LRP1B: variants seen among roughly 807,000 people sequenced by gnomAD.
LRP1B encodes the protein LDL receptor related protein 1B.
Under a neutral mutation model 556.6 loss-of-function variants are expected in LRP1B, and 217 were observed. The ratio of observed to expected loss-of-function variants is 0.39; its 90% CI spans 0.35 to 0.44. LRP1B has a LOEUF of 0.44. LRP1B is among the 20% of genes least tolerant of loss of function. LRP1B has a pLI of 1.00. For missense variants in LRP1B, 5,053 were observed against 5,620.8 expected (o/e 0.90, Z 3.23); for synonymous variants, 2,047 against 1,865.8 (o/e 1.10, Z -2.50).
chr2:142,041,985 A>G (rs1574624776), intron 1 of LRP1B, among the ~76,000 whole-genome samples: 1 of 151,512 alleles, frequency 6.6e-6, no homozygotes, highest in African/African-American at 2.4e-5. Context: ...ATTTTTTATT[A>G]TGGGTAAAAT....
At chr2:140,628,629 C>T (rs183119657) in intron 41 of LRP1B, among the ~76,000 whole-genome samples, 12 of 151,674 alleles carry the variant, frequency 7.9e-5, no homozygotes, top group South Asian at 6.3e-4. Flanking sequence ...TATCTGGGTT[C>T]GCAATATTAT....
intron 2 of LRP1B, among the ~76,000 whole-genome samples, chr2:141,528,216 G>T (rs1174672292): frequency 6.6e-6 from 1 of 151,722 alleles, no homozygotes; most frequent in Non-Finnish European, 1.5e-5. Flanking sequence ...TGGATCTTGA[G>T]TGACAACCTA....
At chr2:141,754,286 A>G (rs1355506372) in intron 2 of LRP1B, among the ~76,000 whole-genome samples, 1 of 152,094 alleles carries the variant, frequency 6.6e-6, no homozygotes, top group East Asian at 1.9e-4. Flanking sequence ...ATTAGCATGG[A>G]TAATTGAGAG....
intron 5 of LRP1B, among the ~76,000 whole-genome samples, chr2:141,234,039 G>A (rs1454662795): frequency 5.3e-5 from 8 of 152,024 alleles, no homozygotes; most frequent in Non-Finnish European, 2.9e-5. Flanking sequence ...TGCATAAAAC[G>A]TTGAATAATG....
chr2:140,317,752 T>C (rs1684589257), intron 82 of LRP1B, among the ~76,000 whole-genome samples: 4 of 152,246 alleles, frequency 2.6e-5, no homozygotes, highest in East Asian at 1.9e-4. Flanking sequence ...TATGGGGTAC[T>C]CATTTTTACC....
chr2:140,993,853 T>C (rs1697161675), intron 16 of LRP1B, 142 bp downstream of exon 16: 6 of 779,808 alleles, frequency 7.7e-6, no homozygotes, highest in Admixed American at 2.8e-5. Flanking sequence ...GTCTACTCTT[T>C]ATGCAAAAGG....
intron 47 of LRP1B, among the ~76,000 whole-genome samples, chr2:140,529,401 T>G (rs191972564): frequency 1.4e-5 from 2 of 146,494 alleles, no homozygotes; most frequent in Admixed American, 1.4e-4. Context: ...CCAACATCCC[T>G]TACCCAACTC....
intron 2 of LRP1B, among the ~76,000 whole-genome samples, chr2:141,592,285 A>G (rs1035144974): frequency 1.3e-5 from 2 of 152,126 alleles, no homozygotes; most frequent in Non-Finnish European, 2.9e-5. Flanking sequence ...ACAGAAATTT[A>G]TTTCTCACAG....
chr2:141,990,148 T>C (rs1408437972), intron 1 of LRP1B, among the ~76,000 whole-genome samples: 1 of 152,050 alleles, frequency 6.6e-6, no homozygotes, highest in Non-Finnish European at 1.5e-5. Context: ...AAAATACAGA[T>C]AGCATCTGAT....
intron 2 of LRP1B, among the ~76,000 whole-genome samples, chr2:141,793,990 A>G (rs973412754): frequency 6.6e-6 from 1 of 151,984 alleles, no homozygotes; most frequent in Non-Finnish European, 1.5e-5. Flanking sequence ...AAAAGTTAAG[A>G]CAAAATAACA....
chr2:141,402,828 A>C (rs1170775456), intron 3 of LRP1B, among the ~76,000 whole-genome samples: 1 of 152,118 alleles, frequency 6.6e-6, no homozygotes, highest in Non-Finnish European at 1.5e-5. Context: ...CAGAAAATCA[A>C]AATTTTTGGA....
chr2:141,025,272 G>A (rs1341492051), intron 11 of LRP1B, among the ~76,000 whole-genome samples: 2 of 152,040 alleles, frequency 1.3e-5, no homozygotes, highest in African/African-American at 4.8e-5. Flanking sequence ...AAATTGATGA[G>A]TGGATATGAA....
At chr2:140,415,845 A>G (rs1685175104) in intron 66 of LRP1B, among the ~76,000 whole-genome samples, 1 of 152,196 alleles carries the variant, frequency 6.6e-6, no homozygotes, top group Admixed American at 6.5e-5. Context: ...TGCACATAGA[A>G]AAGAAATGAT....
intron 1 of LRP1B, among the ~76,000 whole-genome samples, chr2:141,983,872 C>T (rs1268266577): frequency 6.6e-6 from 1 of 152,110 alleles, no homozygotes; most frequent in African/African-American, 2.4e-5. Flanking sequence ...ACCGGCCTGG[C>T]CAACATGATG....
At chr2:140,758,399 A>G (rs1688809861) in intron 35 of LRP1B, among the ~76,000 whole-genome samples, 1 of 152,002 alleles carries the variant, frequency 6.6e-6, no homozygotes, top group Non-Finnish European at 1.5e-5. Context: ...TTGTTGTAGT[A>G]TTGGTGATTT....
Position 140,274,603 on chromosome 2 carries a change from GAAAA to G in LRP1B, c.12968-9_12968-6del. 6.2e-7 allele frequency: 1 copy of G among 1,600,254 alleles called. No individual in the cohort carries two copies. The highest frequency in any genetic ancestry group is 8.5e-7 in the Non-Finnish European group (1 of 1,173,792). On this transcript the variant is annotated splice_region_variant and splice_polypyrimidine_tract_variant and intron_variant, in intron 84 of 90. Transcript: ENST00000389484. ...CACAATAGTGGTGGCACACGTCTAG[GAAAA>G]AAAGGCACAACAGAAAAATAAAATT...
Position 141,036,556 on chromosome 2 carries a change from G to A in LRP1B, c.1789+12430C>T, listed in dbSNP as rs559993157. The stretch of plus-strand genomic sequence containing the variant: ...CAAATAATCTGCCTCTAGAAAAGGA[G>A]CAGGGAACCCTTTTTCCTCCAAAGG... On this transcript the variant is annotated intron_variant, in intron 11 of 90. Coordinates refer to ENST00000389484, the MANE Select transcript of LRP1B (RefSeq NM_018557.3). 2.0e-5 allele frequency among the ~76,000 whole-genome samples: 3 copies of A among 152,058 alleles called. No homozygotes were observed. The East Asian group carries it at 5.8e-4, about 30-fold the overall frequency.
intron 6 of LRP1B, among the ~76,000 whole-genome samples, chr2:141,197,821 T>C (rs1273976577): frequency 6.6e-6 from 1 of 152,112 alleles, no homozygotes; most frequent in East Asian, 1.9e-4. Context: ...TTTAATGGGA[T>C]ACATTTAAGT....
chr2:141,043,653 T>C (rs1257741795), intron 11 of LRP1B, among the ~76,000 whole-genome samples: 2 of 152,036 alleles, frequency 1.3e-5, no homozygotes, highest in Non-Finnish European at 2.9e-5. Context: ...TAACATTTCT[T>C]CTATTTAAAT....
Sources: gnomAD v4.1 joint callset for allele counts (sites outside exome capture counted in the v4.1 genomes callset) on GRCh38, gnomAD v4.1.1 for gene constraint, MANE v1.5 for transcripts, NCBI Gene and HGNC (gene_info 2026-07-23, HGNC 2026-07-21) for gene names.